ARHGEF4: variants seen among roughly 807,000 people sequenced by gnomAD.
The protein encoded by ARHGEF4 is APC-stimulated guanine nucleotide exchange factor 1.
Under a neutral mutation model 162.0 loss-of-function variants are expected in ARHGEF4, and 119 were observed. The ratio of observed to expected loss-of-function variants is 0.73; its 90% confidence interval spans 0.63 to 0.86. ARHGEF4 has a LOEUF of 0.86. Ranked by LOEUF, ARHGEF4 falls within the 40% of genes least tolerant of loss-of-function variation. The pLI is 0.00. For missense variants in ARHGEF4, 2,488 were observed against 2,456.0 expected, an observed-to-expected ratio of 1.01 and a Z score of -0.28; for synonymous variants, 1,014 against 979.9, an observed-to-expected ratio of 1.03 and a Z score of -0.65.
At chr2:130,912,252 C>T (rs915387103) in intron 1 of ARHGEF4, among the ~76,000 whole-genome samples, 1 of 152,216 alleles carries the variant, frequency 6.6e-6, no homozygotes, top group Non-Finnish European at 1.5e-5. Context: ...CTGGCCCTGC[C>T]GTACAGTCAG....
Position 130,914,242 on chromosome 2 carries a change from T to G in ARHGEF4, c.296T>G (p.Ile99Arg). 2 of 1,535,374 alleles carry G rather than the reference T, an allele frequency of 1.3e-6. No individual in the cohort carries two copies. The highest frequency in any genetic ancestry group is 1.7e-6 in the Non-Finnish European group (2 of 1,146,420). ...FHPLRGTPVD[I>R]EAPWEYPDVS... The stretch of plus-strand genomic sequence containing the variant: ...CCTCTAAGAGGTACTCCCGTAGATA[T>G]AGAAGCACCTTGGGAATACCCTGAT... Residue 99 changes from isoleucine to arginine, a missense_variant, in exon 2 of 14, where the codon ATA becomes AGA. By Grantham distance (97) the Ile-to-Arg change is moderately conservative. Transcript: ENST00000409359.
At chr2:130,912,674 C>G (rs1681259518) in intron 1 of ARHGEF4, among the ~76,000 whole-genome samples, 1 of 152,122 alleles carries the variant, frequency 6.6e-6, no homozygotes, top group Admixed American at 6.5e-5. Context: ...GCTTGGCCAG[C>G]TCTGGGCCTG....
Position 130,977,098 on chromosome 2 carries a change from TAGTG to T in ARHGEF4, c.3985+30464_3985+30467del, listed in dbSNP as rs779913371. Among the ~76,000 whole-genome samples, 366 of 150,880 alleles carry T rather than the reference TAGTG, an allele frequency of 2.4e-3. 4 individuals carry two copies. The highest frequency in any genetic ancestry group is 0.018 in the Admixed American group (276 of 15,144). The stretch of plus-strand genomic sequence containing the variant: ...TTACTGTGTGGTGTGTGTGGTGTGT[TAGTG>T]TGTGTGGTGTATGTGATGTGTTTGT... On this transcript the variant is annotated intron_variant, in intron 4 of 13. Transcript: ENST00000409359.
intron 1 of ARHGEF4, among the ~76,000 whole-genome samples, chr2:130,877,297 G>C (rs188296347): frequency 6.6e-6 from 1 of 152,108 alleles, no homozygotes; most frequent in Admixed American, 6.6e-5. Flanking sequence ...TTTAATTAAC[G>C]AATAAATATG....
chr2:130,891,097 T>C (rs1226182633), intron 1 of ARHGEF4, among the ~76,000 whole-genome samples: 2 of 152,140 alleles, frequency 1.3e-5, no homozygotes, highest in Non-Finnish European at 2.9e-5. Flanking sequence ...GGCAGACTCA[T>C]TGATTGTGGA....
chr2:130,938,094 C>T (rs1558744222), intron 3 of ARHGEF4, among the ~76,000 whole-genome samples: 2 of 152,138 alleles, frequency 1.3e-5, no homozygotes, highest in African/African-American at 2.4e-5. Flanking sequence ...TAATCATTCA[C>T]CTATTCGAAG....
chr2:130,915,929 G>A lies in ARHGEF4; in HGVS notation c.1983G>A (p.Lys661=), dbSNP rs1403554486. Reference sequence around the variant, plus strand: ...AAACACTGCCCCGTGACTTTCCTAAGGAAAGACCAGAATCTCCCTTGAGCA... The same window carrying A: ...AAACACTGCCCCGTGACTTTCCTAAAGAAAGACCAGAATCTCCCTTGAGCA... ...VPETLPRDFP[K]ERPESPLSTG... is the part of the protein sequence containing the mutation. The change falls in exon 2 of 14, where the codon AAG becomes AAA. Residue 661 remains lysine (K), a synonymous_variant. Transcript: ENST00000409359. 4 of 1,550,594 alleles carry A rather than the reference G, an allele frequency of 2.6e-6. No homozygotes were observed. The highest frequency in any genetic ancestry group is 3.5e-6 in the Non-Finnish European group (4 of 1,146,998).
chr2:130,924,116 CG>C (rs1475991542), intron 2 of ARHGEF4, among the ~76,000 whole-genome samples: 1 of 150,836 alleles, frequency 6.6e-6, no homozygotes, highest in African/African-American at 2.4e-5. Flanking sequence ...CTCCTGACCT[CG>C]TGATCCACCT....
chr2:131,005,598 T>C (rs1174942114), intron 4 of ARHGEF4, among the ~76,000 whole-genome samples: 1 of 152,042 alleles, frequency 6.6e-6, no homozygotes, highest in Admixed American at 6.5e-5. Flanking sequence ...CTTCCCAGGC[T>C]GCCCTAGTCT....
intron 1 of ARHGEF4, among the ~76,000 whole-genome samples, chr2:130,839,247 G>C (rs1466788631): frequency 1.3e-5 from 2 of 152,178 alleles, no homozygotes; most frequent in African/African-American, 2.4e-5. Context: ...AGGTTGTGGG[G>C]TGGGCAGAGG....
At chr2:131,002,181 C>T (rs1427319129) in intron 4 of ARHGEF4, among the ~76,000 whole-genome samples, 3 of 152,030 alleles carry the variant, frequency 2.0e-5, no homozygotes, top group African/African-American at 4.8e-5. Flanking sequence ...TGGAGCTTGC[C>T]GACTTTAAAA....
chr2:131,038,408 C>G (rs1022930261), intron 5 of ARHGEF4, among the ~76,000 whole-genome samples: 5 of 149,582 alleles, frequency 3.3e-5, no homozygotes, highest in African/African-American at 1.2e-4. Flanking sequence ...AGCCCTCAGC[C>G]TCTCCCTCCT....
intron 4 of ARHGEF4, among the ~76,000 whole-genome samples, chr2:131,008,863 T>C (rs935008373): frequency 2.6e-5 from 4 of 152,236 alleles, no homozygotes; most frequent in Non-Finnish European, 5.9e-5. Flanking sequence ...GTCATTTATA[T>C]GCTCATCTAC....
rs1041977369 is a variant in ARHGEF4, at chr2:130,960,231, A to G, written c.3985+13596A>G. On this transcript the variant is annotated intron_variant, in intron 4 of 13. Transcript: ENST00000409359. ...TGTACACTATGTAGACTTTATAAAC[A>G]TTACAGAACAAATTCCAGTCCTGCA... Among the ~76,000 whole-genome samples, 7 of 152,370 alleles carry G rather than the reference A, an allele frequency of 4.6e-5. No homozygotes were observed. In the East Asian group the frequency reaches 1.3e-3, roughly 29 times the overall value.
At chr2:130,912,948 T>TA (rs1247671065) in intron 1 of ARHGEF4, among the ~76,000 whole-genome samples, 2 of 152,236 alleles carry the variant, frequency 1.3e-5, no homozygotes, top group African/African-American at 4.8e-5. Flanking sequence ...AGTCTATTGT[T>TA]ATAATTGTTC....
chr2:130,844,453 C>G (rs1680814182), intron 1 of ARHGEF4, among the ~76,000 whole-genome samples: 1 of 152,236 alleles, frequency 6.6e-6, no homozygotes, highest in African/African-American at 2.4e-5. Flanking sequence ...CCTGTCCCAC[C>G]CTGGCTAGCT....
intron 4 of ARHGEF4, among the ~76,000 whole-genome samples, chr2:131,021,869 C>T (rs538848831): frequency 2.6e-5 from 4 of 152,100 alleles, no homozygotes; most frequent in Non-Finnish European, 5.9e-5. Flanking sequence ...AATGTTTTAT[C>T]GTAAAAACTT....
intron 3 of ARHGEF4, among the ~76,000 whole-genome samples, chr2:130,937,889 G>C (rs531205634): frequency 2.0e-5 from 3 of 151,962 alleles, no homozygotes; most frequent in Admixed American, 2.0e-4. Flanking sequence ...GGATGGTCTC[G>C]ATCTCCTGAC....
At chr2:130,946,195 C>T (rs528032290) in intron 3 of ARHGEF4, among the ~76,000 whole-genome samples, 147 of 152,286 alleles carry the variant, frequency 9.7e-4, no homozygotes, top group Non-Finnish European at 1.7e-3. Context: ...GTCTTGCTTT[C>T]GGGGAGATAT....
Sources: gnomAD v4.1 joint callset for allele counts (sites outside exome capture counted in the v4.1 genomes callset) on GRCh38, gnomAD v4.1.1 for gene constraint, MANE v1.5 for transcripts, NCBI Gene and HGNC (gene_info 2026-07-23, HGNC 2026-07-21) for gene names.